The following DENND2C variants were observed in gnomAD, a reference collection of about 807,000 sequenced individuals.
DENND2C encodes the protein DENN domain containing 2C.
DENND2C carries 72 observed loss-of-function variants against 112.4 expected under a neutral mutation model. The observed-to-expected ratio is 0.64, with a 90% CI of 0.53 to 0.78. DENND2C has a LOEUF of 0.78. Ranked by LOEUF, DENND2C falls within the 30% of genes least tolerant of loss-of-function variation. The pLI, the probability that DENND2C is intolerant of heterozygous loss-of-function variation, is 0.00. For missense variants in DENND2C, 992 were observed against 1,113.8 expected (o/e 0.89, Z 1.56); for synonymous variants, 329 against 381.6 (o/e 0.86, Z 1.61).
At chr1:114,644,240 A>G (rs1342369732) in intron 3 of DENND2C, among the ~76,000 whole-genome samples, 2 of 152,178 alleles carry the variant, frequency 1.3e-5, no homozygotes, top group African/African-American at 4.8e-5. Flanking sequence ...CTCCTTTTCC[A>G]ACATGATTTT....
At position 114,625,340 on chromosome 1, in the gene DENND2C, C is replaced by CAGATAAATAT; in HGVS notation, c.644_645insATATTTATCT (p.Thr216TyrfsTer17). On this transcript the variant is annotated frameshift_variant, in exon 4 of 21. Coordinates refer to ENST00000393274, the MANE Select transcript of DENND2C (RefSeq NM_001256404.2). LOFTEE classifies it high-confidence loss of function. Reference sequence around the variant, plus strand: ...CAGATTCGGATAAATATCTGAATGTCCTACGAGGTTTTGGCAAAGGATTTA... The same window carrying CAGATAAATAT: ...CAGATTCGGATAAATATCTGAATGTCAGATAAATATCTACGAGGTTTTGGCAAAGGATTTA... The CAGATAAATAT allele has an allele frequency of 6.2e-7, 1 of 1,614,082 alleles. No homozygotes were observed. The highest frequency in any genetic ancestry group is 2.2e-5 in the East Asian group (1 of 44,866).
chr1:114,630,915 C>T (rs1024539778), intron 3 of DENND2C, among the ~76,000 whole-genome samples: 2 of 152,144 alleles, frequency 1.3e-5, no homozygotes, highest in African/African-American at 4.8e-5. Flanking sequence ...AGAAGAGAAA[C>T]AAGAGGTCAT....
chr1:114,647,553 G>T (rs1657027959), intron 2 of DENND2C, among the ~76,000 whole-genome samples: 2 of 152,008 alleles, frequency 1.3e-5, no homozygotes, highest in Non-Finnish European at 2.9e-5. Flanking sequence ...ATTAGGTAAT[G>T]TTTGTGAAAG....
In DENND2C at chr1:114,621,955, C is replaced by T. The variant is rs1273612756; in HGVS notation, c.1167G>A (p.Thr389=). 2.8e-5 allele frequency: 44 copies of T among 1,550,584 alleles called. No individual in the cohort carries two copies. The highest frequency in any genetic ancestry group is 3.6e-5 in the Non-Finnish European group (41 of 1,147,036). ...CACCAGCTCGGAAAAGCTTCCATTC[C>T]GTTAAAGTGACCGGCAAAGTTGTAT... ...TKDTTLPVTL[T]EWKLFRAGEV... Residue 389 remains threonine, a synonymous_variant, in exon 7 of 21, where the codon ACG becomes ACA. Transcript: ENST00000393274.
At chr1:114,640,543 TG>T (rs1656807232) in intron 3 of DENND2C, among the ~76,000 whole-genome samples, 1 of 152,188 alleles carries the variant, frequency 6.6e-6, no homozygotes, top group Admixed American at 6.6e-5. Context: ...GGTGTGTGCA[TG>T]TGTGTGTGAC....
intron 3 of DENND2C, among the ~76,000 whole-genome samples, chr1:114,631,660 T>C (rs932674913): frequency 1.3e-5 from 2 of 152,084 alleles, no homozygotes; most frequent in Non-Finnish European, 2.9e-5. Context: ...CGGGTGCCTG[T>C]AGTCCCAGCT....
rs1157832585 is a variant in DENND2C, at chr1:114,583,591, G to C, written c.*2009C>G. 1.3e-5 allele frequency: 2 copies of C among 150,680 alleles called. No homozygotes were observed. The highest frequency in any genetic ancestry group is 2.9e-5 in the Non-Finnish European group (2 of 68,004). The allele number at this position is 150,680 out of a possible 1,614,324, so 9.3% of individuals were successfully genotyped here. On this transcript the variant is annotated 3_prime_UTR_variant, in exon 21 of 21. Transcript: ENST00000393274. ...GGAGGCCAAGGTGGGTGGATCACCTGAGGTCAGGAGTTCGAGACCAGCCTG... is the reference window on the plus strand; with the variant it reads ...GGAGGCCAAGGTGGGTGGATCACCTCAGGTCAGGAGTTCGAGACCAGCCTG...
Position 114,625,972 on chromosome 1 carries a change from A to G in DENND2C, c.13T>C (p.Phe5Leu). 1 of 1,608,502 alleles carries G rather than the reference A, an allele frequency of 6.2e-7. No individual in the cohort carries two copies. The highest frequency in any genetic ancestry group is 8.5e-7 in the Non-Finnish European group (1 of 1,176,796). Residue 5 changes from phenylalanine (F) to leucine (L), a missense_variant, in exon 4 of 21, where the codon TTT (phenylalanine) becomes CTT (leucine). Transcript: ENST00000393274. ...AGTGTCTGAACAGTAGTACGAGAAAAACCAACATCCATGTTCCCAACTGGG... is the reference window on the plus strand; with the variant it reads ...AGTGTCTGAACAGTAGTACGAGAAAGACCAACATCCATGTTCCCAACTGGG... MDVGFSRTTVQTLSR... is the reference protein window; with the variant it reads MDVGLSRTTVQTLSR...
chr1:114,657,715 T>C (rs1570816121), intron 1 of DENND2C, among the ~76,000 whole-genome samples: 1 of 152,210 alleles, frequency 6.6e-6, no homozygotes, highest in Non-Finnish European at 1.5e-5. Context: ...AAATATCAAC[T>C]GTAGACAATC....
Position 114,625,524 on chromosome 1 carries a change from T to C in DENND2C, c.461A>G (p.Glu154Gly), listed in dbSNP as rs1656312823. 1 of 1,613,988 alleles carries C rather than the reference T, an allele frequency of 6.2e-7. No homozygotes were observed. The highest frequency in any genetic ancestry group is 8.5e-7 in the Non-Finnish European group (1 of 1,180,000). ...TAAGAGTTTATCTGGGGGAAGTGCT[T>C]CTATTTTCTTCCACAGTATTTGTGA... ...YTSQILWKKI[E>G]ALPPDKLLNL... Residue 154 changes from glutamate (E) to glycine (G), a missense_variant, in exon 4 of 21, where the codon GAA becomes GGA. This residue lies in a region of DENND2C where 470 missense variants were observed against 472.7 expected (regional missense o/e 0.99). Transcript: ENST00000393274.
chr1:114,612,849 C>T (rs919291358), intron 8 of DENND2C, among the ~76,000 whole-genome samples: 14 of 151,816 alleles, frequency 9.2e-5, no homozygotes, highest in Non-Finnish European at 1.6e-4. Flanking sequence ...TTTGTAGAGA[C>T]GGGGTTTCGT....
At chr1:114,623,731 TG>T (rs1339009914) in intron 4 of DENND2C, 88 bp from the exon 5 acceptor site, 3 of 26,790 alleles carry the variant, frequency 1.1e-4, no homozygotes, top group East Asian at 3.5e-4. Flanking sequence ...TTTGTTTGAT[TG>T]TTTGTTTTAT....
At chr1:114,623,436 A>G (rs1395739966) in intron 5 of DENND2C, 71 bp downstream of exon 5, 13 of 1,452,166 alleles carry the variant, frequency 9.0e-6, no homozygotes, top group Non-Finnish European at 1.2e-5. Flanking sequence ...AGAAGAAAAT[A>G]CCATCCTACA....
intron 2 of DENND2C, among the ~76,000 whole-genome samples, chr1:114,645,889 T>C (rs1557957103): frequency 1.3e-5 from 2 of 152,158 alleles, no homozygotes; most frequent in African/African-American, 4.8e-5. Flanking sequence ...AATATCAAAT[T>C]TTGTCTGCAA....
At chr1:114,618,325 G>A (rs1656057210) in intron 8 of DENND2C, 61 bp downstream of exon 8, 1 of 1,243,600 alleles carries the variant, frequency 8.0e-7, no homozygotes, top group Admixed American at 2.5e-5. Context: ...TAAGTTATAT[G>A]GTGATTCTCC....
At position 114,611,058 on chromosome 1, in the gene DENND2C, C is replaced by T; in HGVS notation, c.1369+15G>A. The T allele has an allele frequency of 1.2e-6, 2 of 1,614,182 alleles. No homozygotes were observed. The highest frequency in any genetic ancestry group is 1.7e-5 in the Admixed American group (1 of 60,022). ...ATCATCACAACAACGGGAGCAGCCC[C>T]ATTGACTCACTCACTCTTTGGCAGA... On this transcript the variant is annotated intron_variant, in intron 9 of 20. Transcript: ENST00000393274.
intron 2 of DENND2C, among the ~76,000 whole-genome samples, chr1:114,648,087 C>G (rs887213552): frequency 6.6e-6 from 1 of 152,204 alleles, no homozygotes; most frequent in Non-Finnish European, 1.5e-5. Context: ...GGATTACAGG[C>G]GTGAGTCACC....
intron 8 of DENND2C, among the ~76,000 whole-genome samples, chr1:114,616,921 GCT>G (rs1655987075): frequency 6.6e-6 from 1 of 152,122 alleles, no homozygotes; most frequent in Non-Finnish European, 1.5e-5. Flanking sequence ...GTTCCATATG[GCT>G]AGGGAGGCCT....
At chr1:114,629,123 T>C (rs1329399579) in intron 3 of DENND2C, among the ~76,000 whole-genome samples, 2 of 152,216 alleles carry the variant, frequency 1.3e-5, no homozygotes, top group African/African-American at 4.8e-5. Flanking sequence ...TCAGAGACTT[T>C]TCCAGCTATT....
Sources: gnomAD v4.1 joint callset for allele counts (sites outside exome capture counted in the v4.1 genomes callset) on GRCh38, gnomAD v4.1.1 for gene constraint, gnomAD v4.1.1 regional missense constraint, MANE v1.5 for transcripts, NCBI Gene and HGNC (gene_info 2026-07-23, HGNC 2026-07-21) for gene names.